The following EIF2AK2 variants were observed in gnomAD, a reference collection of about 807,000 sequenced individuals.
EIF2AK2 encodes the protein interferon-induced, double-stranded RNA-activated protein kinase.
A neutral mutation model predicts 70.5 loss-of-function variants in EIF2AK2; 40 were observed. The ratio of observed to expected loss-of-function variants is 0.57; its 90% CI spans 0.44 to 0.74. The LOEUF (loss-of-function observed/expected upper bound fraction) is 0.74. EIF2AK2 is among the 30% of genes least tolerant of loss of function. EIF2AK2 has a pLI of 0.00. For synonymous variants in EIF2AK2, 198 were observed against 220.9 expected, an observed-to-expected ratio of 0.90 and a Z score of 0.92; for missense variants, 555 against 644.3, an observed-to-expected ratio of 0.86 and a Z score of 1.50.
chr2:37,120,943 G>C (rs1484239462), intron 12 of EIF2AK2, among the ~76,000 whole-genome samples: 1 of 143,084 alleles, frequency 7.0e-6, no homozygotes, highest in African/African-American at 2.5e-5. Context: ...CCGCATGAGC[G>C]ATAGAGTAAG....
At chr2:37,121,262 CAAAAAAAAAAAAA>C (rs70949733) in intron 12 of EIF2AK2, among the ~76,000 whole-genome samples, 1 of 72,728 alleles carries the variant, frequency 1.4e-5, no homozygotes, top group Non-Finnish European at 2.3e-5. Flanking sequence ...GACACCGTCT[CAAAAAAAAAAAAA>C]AAAAAAAAAA....
At chr2:37,141,796 T>C (rs1386364941) in intron 4 of EIF2AK2, 95 bp from the exon 5 acceptor site, 1 of 1,278,338 alleles carries the variant, frequency 7.8e-7, no homozygotes, top group African/African-American at 1.5e-5. Context: ...AATGAGCAAT[T>C]TGAAAGACAA....
At chr2:37,156,259 AG>A (rs1675920607) in intron 1 of EIF2AK2, among the ~76,000 whole-genome samples, 1 of 152,176 alleles carries the variant, frequency 6.6e-6, no homozygotes, top group African/African-American at 2.4e-5. Context: ...AGGGGGTGCG[AG>A]GGGCCTTGCC....
At chr2:37,141,735 T>C (rs1328222666) in intron 4 of EIF2AK2, 34 bp from the exon 5 acceptor site, 21 of 1,564,062 alleles carry the variant, frequency 1.3e-5, no homozygotes, top group Non-Finnish European at 1.7e-5. Flanking sequence ...TTAATATAAA[T>C]GACAACAAAG....
chr2:37,143,105 T>G lies in EIF2AK2; in HGVS notation c.241-1404A>C, dbSNP rs557069754. ...TTAGCTGGCCGTGGTGGTGGGTGCC[T>G]GTAATCTCAGCTACTCAGGAGGCTG... On this transcript the variant is annotated intron_variant, in intron 4 of 16. Transcript: ENST00000233057. Among the ~76,000 whole-genome samples the G allele has an allele frequency of 5.9e-4, 89 of 151,984 alleles. 1 individual carries two copies. Among genetic ancestry groups the G allele is most frequent in the Middle Eastern group, 3.4e-3 (1 of 292 alleles).
At chr2:37,127,490 G>A (rs1303713853) in intron 10 of EIF2AK2, among the ~76,000 whole-genome samples, 1 of 152,100 alleles carries the variant, frequency 6.6e-6, no homozygotes, top group African/African-American at 2.4e-5. Context: ...CTCATCTCAT[G>A]GCACTGTGCC....
intron 5 of EIF2AK2, 33 bp from the exon 6 acceptor site, chr2:37,139,790 C>T (rs1206957378): frequency 2.5e-6 from 4 of 1,578,264 alleles, no homozygotes; most frequent in African/African-American, 1.4e-5. Flanking sequence ...CTTATCCAAA[C>T]ATGAAAAATA....
intron 4 of EIF2AK2, among the ~76,000 whole-genome samples, chr2:37,143,222 CA>C (rs34947987): frequency 0.8 from 89,685 of 112,124 alleles, 35,590 homozygotes; most frequent in East Asian, 0.97. Flanking sequence ...GACTCTGTCT[CA>C]AAAAAAAAAA....
At position 37,114,405 on chromosome 2, in the gene EIF2AK2, T is replaced by C. The variant is rs1294728477; in HGVS notation, c.1377+326A>G. On this transcript the variant is annotated intron_variant, in intron 14 of 16. Coordinates refer to ENST00000233057, the MANE Select transcript of EIF2AK2 (RefSeq NM_001135651.3). ...TAATACAGTTGTTAAAAAAAGAATG[T>C]GGCAGATCTATTTGAACTAATATGG... 6.6e-5 allele frequency among the ~76,000 whole-genome samples: 10 copies of C among 152,148 alleles called. No individual in the cohort carries two copies. The East Asian group carries it at 9.6e-4, about 15-fold the overall frequency.
intron 10 of EIF2AK2, among the ~76,000 whole-genome samples, chr2:37,129,812 C>T (rs1025301295): frequency 3.3e-5 from 5 of 152,108 alleles, no homozygotes; most frequent in Non-Finnish European, 5.9e-5. Flanking sequence ...CAAACGGGGA[C>T]GAATCATTCA....
intron 10 of EIF2AK2, 51 bp from the exon 11 acceptor site, chr2:37,126,462 C>T (rs977997729): frequency 6.4e-7 from 1 of 1,574,654 alleles, no homozygotes; most frequent in East Asian, 2.3e-5. Flanking sequence ...CAACCCCCAC[C>T]CCCCCGCCTC....
At position 37,114,819 on chromosome 2, in the gene EIF2AK2, A is replaced by G; in HGVS notation, c.1289T>C (p.Ile430Thr). The change falls in exon 14 of 17, where the codon ATT becomes ACT. Residue 430 changes from isoleucine (I) to threonine (T), a missense_variant. Around this residue, in one of 3 missense-constraint regions of EIF2AK2, gnomAD observed 299 missense variants for 375.4 expected, o/e 0.80. Coordinates refer to ENST00000233057, the MANE Select transcript of EIF2AK2 (RefSeq NM_001135651.3). ...IFLVDTKQVK[I>T]GDFGLVTSLK... Reference sequence around the variant, plus strand: ...AGATGTTACAAGTCCAAAGTCTCCAATCTTTACTTGTTTTGTATCTACTAA... The same window carrying G: ...AGATGTTACAAGTCCAAAGTCTCCAGTCTTTACTTGTTTTGTATCTACTAA... 3.1e-6 allele frequency: 5 copies of G among 1,597,432 alleles called. No individual in the cohort carries two copies. Among genetic ancestry groups the G allele is most frequent in the Non-Finnish European group, 4.3e-6 (5 of 1,172,390 alleles).
intron 15 of EIF2AK2, 122 bp from the exon 16 acceptor site, chr2:37,107,649 A>T (rs1024173893): frequency 1.9e-6 from 2 of 1,050,342 alleles, no homozygotes; most frequent in East Asian, 2.4e-5. Flanking sequence ...AAGTCTCTTT[A>T]GCCAAGAAGC....
Position 37,106,836 on chromosome 2 carries a change from G to C in EIF2AK2, c.*437C>G, listed in dbSNP as rs1673979318. The C allele has an allele frequency of 6.5e-6, 1 of 153,744 alleles. No individual in the cohort carries two copies. Among genetic ancestry groups the C allele is most frequent in the African/African-American group, 2.4e-5 (1 of 41,392 alleles). The allele number at this position is 153,744 out of a possible 1,614,324, so 9.5% of individuals were successfully genotyped here. Reference sequence around the variant, plus strand: ...AGGCAGGTGGATTACTTGAGGTCAGGAGTTTGAGACCAGCCTGGCCAACAT... The same window carrying C: ...AGGCAGGTGGATTACTTGAGGTCAGCAGTTTGAGACCAGCCTGGCCAACAT... On this transcript the variant is annotated 3_prime_UTR_variant, in exon 17 of 17. Transcript: ENST00000233057.
rs1673990497 is a variant in EIF2AK2, at chr2:37,107,190, A to T, written c.*83T>A. 1 of 1,461,304 alleles carries T rather than the reference A, an allele frequency of 6.8e-7. No homozygotes were observed. Among genetic ancestry groups the T allele is most frequent in the African/African-American group, 1.4e-5 (1 of 70,360 alleles). 90.5% of individuals were successfully genotyped at this position (1,461,304 alleles called of 1,614,324 possible). On this transcript the variant is annotated 3_prime_UTR_variant, in exon 17 of 17. Coordinates refer to ENST00000233057, the MANE Select transcript of EIF2AK2 (RefSeq NM_001135651.3). ...AAGGAAACATTAAAATAAAAGGTAA[A>T]TATCTATTGATATTCCCTAGCAGAT...
intron 13 of EIF2AK2, among the ~76,000 whole-genome samples, chr2:37,118,983 GA>G (rs1236942688): frequency 2.0e-5 from 3 of 152,138 alleles, no homozygotes; most frequent in Non-Finnish European, 4.4e-5. Context: ...CTCAGTAAAG[GA>G]ATTACAACCA....
chr2:37,108,551 C>T (rs1041779021), intron 15 of EIF2AK2, among the ~76,000 whole-genome samples: 15 of 152,128 alleles, frequency 9.9e-5, no homozygotes, highest in African/African-American at 3.1e-4. Context: ...AGAAAATAAG[C>T]TCCTTGAGAA....
At chr2:37,111,144 A>G (rs1480375134) in intron 14 of EIF2AK2, among the ~76,000 whole-genome samples, 1 of 152,226 alleles carries the variant, frequency 6.6e-6, no homozygotes, top group Non-Finnish European at 1.5e-5. Flanking sequence ...ATTGGGCTGT[A>G]GGGAGAGGAG....
At chr2:37,133,689 GC>G (rs1675027487) in intron 10 of EIF2AK2, among the ~76,000 whole-genome samples, 1 of 152,204 alleles carries the variant, frequency 6.6e-6, no homozygotes, top group South Asian at 2.1e-4. Flanking sequence ...TCACATGAAT[GC>G]CGGAGGAAAA....
Sources: allele counts gnomAD v4.1 joint callset (sites outside exome capture counted in the v4.1 genomes callset), GRCh38; gene constraint gnomAD v4.1.1; regional missense constraint gnomAD v4.1.1; transcripts MANE v1.5; gene names NCBI Gene and HGNC (gene_info 2026-07-23, HGNC 2026-07-21).